Variants in NEK10 observed in about 807,000 individuals in gnomAD.
NEK10 encodes the protein serine/threonine-protein kinase Nek10.
A neutral mutation model predicts 159.8 loss-of-function variants in NEK10; 122 were observed. The observed-to-expected ratio is 0.76, with a 90% confidence interval of 0.66 to 0.89. NEK10 has a LOEUF of 0.89. NEK10 is among the 40% of genes least tolerant of loss of function. The pLI, the probability that NEK10 is intolerant of heterozygous loss-of-function variation, is 0.00. For synonymous variants in NEK10, 466 were observed against 457.1 expected, an observed-to-expected ratio of 1.02 and a Z score of -0.25; for missense variants, 1,342 against 1,323.1, an observed-to-expected ratio of 1.01 and a Z score of -0.22.
intron 33 of NEK10, 87 bp from the exon 34 acceptor site, chr3:27,116,214 G>A (rs1940402659): frequency 2.7e-6 from 3 of 1,129,176 alleles, no homozygotes; most frequent in Non-Finnish European, 3.9e-6. Context: ...TTCAACCACA[G>A]GGCAAACAGG....
intron 26 of NEK10, among the ~76,000 whole-genome samples, chr3:27,185,149 AAAT>A (rs1292419222): frequency 6.6e-6 from 1 of 152,230 alleles, no homozygotes; most frequent in African/African-American, 2.4e-5. Context: ...TGAATTTAAA[AAAT>A]AATATTTGCT....
rs946304325 is a variant in NEK10, at chr3:27,176,013, G to A, written c.2506-1180C>T. Among the ~76,000 whole-genome samples the A allele has an allele frequency of 5.3e-5, 8 of 152,146 alleles. No individual in the cohort carries two copies. In the East Asian group the frequency reaches 1.4e-3, roughly 26 times the overall value. On this transcript the variant is annotated intron_variant, in intron 26 of 35. Coordinates refer to ENST00000691995, the MANE Select transcript of NEK10 (RefSeq NM_001394966.1). ...AAAATGACACAGCTCCAAGGCACAG[G>A]TTTCTAAAAACTCCATAATAATAGA...
intron 1 of NEK10, among the ~76,000 whole-genome samples, chr3:27,359,639 C>T (rs1410304092): frequency 6.6e-6 from 1 of 152,132 alleles, no homozygotes; most frequent in East Asian, 1.9e-4. Flanking sequence ...AGAGATAAGA[C>T]AAACATGTTA....
intron 30 of NEK10, among the ~76,000 whole-genome samples, chr3:27,158,697 G>A (rs1320037333): frequency 6.6e-6 from 1 of 152,104 alleles, no homozygotes; most frequent in Admixed American, 6.6e-5. Context: ...CAAGGGAGGG[G>A]AAAATGTCAG....
intron 30 of NEK10, among the ~76,000 whole-genome samples, chr3:27,143,190 G>A (rs1261504157): frequency 6.6e-6 from 1 of 152,168 alleles, no homozygotes; most frequent in Non-Finnish European, 1.5e-5. Context: ...TGTTCGTCTA[G>A]ACCCAAAACA....
chr3:27,283,691 G>C (rs1269746091), intron 22 of NEK10, among the ~76,000 whole-genome samples: 1 of 152,176 alleles, frequency 6.6e-6, no homozygotes, highest in Non-Finnish European at 1.5e-5. Flanking sequence ...CAACAACTGG[G>C]AGGAGAAAGT....
intron 22 of NEK10, 128 bp downstream of exon 22, chr3:27,284,474 T>C: frequency 1.7e-6 from 1 of 600,016 alleles, no homozygotes; most frequent in Non-Finnish European, 3.0e-6. Context: ...ATGTGGCTAG[T>C]GGCTACTGTA....
chr3:27,239,726 A>C (rs1215979336), intron 23 of NEK10, among the ~76,000 whole-genome samples: 1 of 152,216 alleles, frequency 6.6e-6, no homozygotes, highest in African/African-American at 2.4e-5. Context: ...AACGAAATTT[A>C]GGGAAAAAAG....
intron 12 of NEK10, among the ~76,000 whole-genome samples, chr3:27,304,424 G>GT (rs144035884): frequency 3.9e-5 from 6 of 151,916 alleles, no homozygotes; most frequent in Non-Finnish European, 8.8e-5. Context: ...CAAGACAAAG[G>GT]TTTTTTTTAG....
chr3:27,296,068 G>T (rs1233310533), intron 14 of NEK10, among the ~76,000 whole-genome samples: 2 of 152,030 alleles, frequency 1.3e-5, no homozygotes, highest in Non-Finnish European at 2.9e-5. Flanking sequence ...CATAAAGGGA[G>T]AAATTATATT....
intron 31 of NEK10, among the ~76,000 whole-genome samples, chr3:27,134,049 G>T (rs1317271793): frequency 6.6e-6 from 1 of 152,114 alleles, no homozygotes; most frequent in Non-Finnish European, 1.5e-5. Context: ...TTAAAAAAAT[G>T]TGGAATAGAG....
chr3:27,160,132 CA>C (rs1358233024), intron 30 of NEK10, among the ~76,000 whole-genome samples: 1 of 151,862 alleles, frequency 6.6e-6, no homozygotes, highest in Non-Finnish European at 1.5e-5. Flanking sequence ...AAAAATAAAT[CA>C]TTCACAAATT....
intron 26 of NEK10, 106 bp downstream of exon 26, chr3:27,191,923 G>C: frequency 1.2e-6 from 1 of 862,866 alleles, no homozygotes; most frequent in Non-Finnish European, 1.9e-6. Context: ...AATATTGCAT[G>C]TAACTATTTT....
intron 30 of NEK10, among the ~76,000 whole-genome samples, chr3:27,142,283 G>A (rs1429715473): frequency 6.6e-6 from 1 of 151,988 alleles, no homozygotes; most frequent in Non-Finnish European, 1.5e-5. Flanking sequence ...TTAACCTGAG[G>A]ACTATAAAAC....
chr3:27,243,762 T>C (rs1954785088), intron 23 of NEK10, among the ~76,000 whole-genome samples: 1 of 152,094 alleles, frequency 6.6e-6, no homozygotes, highest in South Asian at 2.1e-4. Flanking sequence ...TATATTATCC[T>C]GGAGACTCAT....
intron 1 of NEK10, among the ~76,000 whole-genome samples, chr3:27,354,797 G>T (rs780279851): frequency 6.6e-6 from 1 of 152,144 alleles, no homozygotes; most frequent in Non-Finnish European, 1.5e-5. Flanking sequence ...GCCCATGGAG[G>T]AATGCTGCAG....
chr3:27,140,869 C>T (rs1012458691), intron 31 of NEK10, among the ~76,000 whole-genome samples: 1 of 152,116 alleles, frequency 6.6e-6, no homozygotes, highest in Non-Finnish European at 1.5e-5. Flanking sequence ...ATAACAGTGA[C>T]TTTCATGTCC....
At chr3:27,292,454 T>G (rs1469995677) in intron 16 of NEK10, among the ~76,000 whole-genome samples, 2 of 152,198 alleles carry the variant, frequency 1.3e-5, no homozygotes, top group African/African-American at 4.8e-5. Context: ...GATTCATTCA[T>G]CATTCCCAAG....
intron 23 of NEK10, among the ~76,000 whole-genome samples, chr3:27,249,296 C>T (rs1955416844): frequency 6.6e-6 from 1 of 152,170 alleles, no homozygotes; most frequent in Non-Finnish European, 1.5e-5. Flanking sequence ...TACCCAGTCT[C>T]AGGTAGTTCT....
Sources: gnomAD v4.1 joint callset for allele counts (sites outside exome capture counted in the v4.1 genomes callset) on GRCh38, gnomAD v4.1.1 for gene constraint, MANE v1.5 for transcripts, NCBI Gene and HGNC (gene_info 2026-07-23, HGNC 2026-07-21) for gene names.